The following CSMD1 variants were observed in gnomAD, a reference collection of about 807,000 sequenced individuals.
CSMD1 encodes CUB and Sushi multiple domains 1, also known as CUB and sushi domain-containing protein 1.
A neutral mutation model predicts 417.5 loss-of-function variants in CSMD1; 213 were observed. The observed-to-expected ratio is 0.51, with a 90% CI of 0.46 to 0.57. The LOEUF is 0.57. Ranked by LOEUF, CSMD1 falls within the 20% of genes least tolerant of loss-of-function variation. CSMD1 has a pLI of 0.00. For missense variants in CSMD1, 6,923 were observed against 4,529.7 expected, an observed-to-expected ratio of 1.53 and a Z score of -15.17; for synonymous variants, 2,862 against 1,736.8, an observed-to-expected ratio of 1.65 and a Z score of -16.11.
intron 5 of CSMD1, among the ~76,000 whole-genome samples, chr8:3,868,732 C>G (rs1323757954): frequency 6.6e-6 from 1 of 152,194 alleles, no homozygotes; most frequent in South Asian, 2.1e-4. Flanking sequence ...TCCTGACCCT[C>G]TGCTCTCTCA....
intron 12 of CSMD1, among the ~76,000 whole-genome samples, chr8:3,461,629 G>A (rs1406242881): frequency 6.6e-6 from 1 of 152,208 alleles, no homozygotes. Context: ...AGCTATCCCT[G>A]TGGCCCAGCA....
chr8:4,318,846 C>T (rs1336058228), intron 3 of CSMD1, among the ~76,000 whole-genome samples: 1 of 152,118 alleles, frequency 6.6e-6, no homozygotes, highest in South Asian at 2.1e-4. Flanking sequence ...AATCATAAAG[C>T]ATCTTACAAG....
intron 3 of CSMD1, among the ~76,000 whole-genome samples, chr8:4,044,338 T>C (rs1173620221): frequency 6.6e-6 from 1 of 152,126 alleles, no homozygotes; most frequent in Non-Finnish European, 1.5e-5. Context: ...AATAACACAA[T>C]GCAATTCTGT....
intron 3 of CSMD1, among the ~76,000 whole-genome samples, chr8:4,048,334 A>G (rs1446964391): frequency 1.3e-5 from 2 of 152,182 alleles, no homozygotes; most frequent in Non-Finnish European, 1.5e-5. Context: ...TCATTTATTC[A>G]ATAACTTATT....
chr8:3,552,910 T>A (rs1234329519), intron 10 of CSMD1, among the ~76,000 whole-genome samples: 1 of 152,158 alleles, frequency 6.6e-6, no homozygotes, highest in African/African-American at 2.4e-5. Context: ...TGATAATTAA[T>A]GGAGATCGGA....
chr8:4,091,960 C>T (rs993384141), intron 3 of CSMD1, among the ~76,000 whole-genome samples: 1 of 152,260 alleles, frequency 6.6e-6, no homozygotes, highest in East Asian at 1.9e-4. Flanking sequence ...AAGGGACTCA[C>T]GTAACTCTGC....
At position 4,434,183 on chromosome 8, in the gene CSMD1, C is replaced by G. The variant is rs149980831; in HGVS notation, c.303-14118G>C. 5.9e-3 allele frequency among the ~76,000 whole-genome samples: 897 copies of G among 152,200 alleles called. 10 individuals are homozygous for G. The highest frequency in any genetic ancestry group is 0.021 in the African/African-American group (862 of 41,526). On this transcript the variant is annotated intron_variant, in intron 2 of 69. Transcript: ENST00000635120. The stretch of plus-strand genomic sequence containing the variant: ...TGAAAACCAGTCTCTACTAAAAATA[C>G]AGAAATTATCCAGGCATGGTAATGA...
rs1027263073 is a variant in CSMD1, at chr8:3,875,421, T to G, written c.819-121379A>C. ...TCTATGAAGTTATGGATTGGAGGAG[T>G]TCCTGCAGGAGGGAGTGAGATGATG... On this transcript the variant is annotated intron_variant, in intron 5 of 69. Coordinates refer to ENST00000635120, the MANE Select transcript of CSMD1 (RefSeq NM_033225.6). Among the ~76,000 whole-genome samples the G allele has an allele frequency of 2.0e-5, 3 of 152,048 alleles. No homozygotes were observed. The East Asian group carries it at 5.8e-4, about 30-fold the overall frequency.
chr8:3,940,497 C>CTGTGTGTGTGTG lies in CSMD1; in HGVS notation c.818+57394_818+57405dup, dbSNP rs34005059. ...TTCAGTAAAATTTAAATTATTTCCT[C>CTGTGTGTGTGTG]TGTGTGTGTGTGTGTGTGTGTGTGT... On this transcript the variant is annotated intron_variant, in intron 5 of 69. Transcript: ENST00000635120. 7.0e-4 allele frequency among the ~76,000 whole-genome samples: 102 copies of CTGTGTGTGTGTG among 145,046 alleles called. 1 individual carries two copies. Among genetic ancestry groups the CTGTGTGTGTGTG allele is most frequent in the Non-Finnish European group, 1.2e-3 (80 of 66,126 alleles).
intron 1 of CSMD1, among the ~76,000 whole-genome samples, chr8:4,900,738 T>G (rs939698307): frequency 4.6e-5 from 7 of 152,128 alleles, no homozygotes; most frequent in Non-Finnish European, 1.0e-4. Context: ...GGAGTTAACT[T>G]ATCCTTTCAT....
At chr8:4,890,167 A>G (rs760094687) in intron 1 of CSMD1, among the ~76,000 whole-genome samples, 24 of 152,154 alleles carry the variant, frequency 1.6e-4, no homozygotes, top group Non-Finnish European at 2.5e-4. Flanking sequence ...TTTTAAAGAA[A>G]TAATTTCTAG....
intron 4 of CSMD1, among the ~76,000 whole-genome samples, chr8:3,999,552 T>A (rs1468615786): frequency 1.3e-5 from 2 of 152,170 alleles, no homozygotes; most frequent in African/African-American, 4.8e-5. Context: ...TCAAATTAGC[T>A]GCCTTCAGTT....
chr8:4,778,187 T>G (rs1267568442), intron 1 of CSMD1, among the ~76,000 whole-genome samples: 1 of 152,218 alleles, frequency 6.6e-6, no homozygotes, highest in Non-Finnish European at 1.5e-5. Flanking sequence ...AATTTTCCAT[T>G]CATTAAAATT....
intron 3 of CSMD1, among the ~76,000 whole-genome samples, chr8:4,396,470 A>T (rs190445215): frequency 3.7e-4 from 56 of 152,164 alleles, no homozygotes; most frequent in Admixed American, 2.9e-3. Flanking sequence ...AGCCAGTCTC[A>T]CTCTGCAATG....
intron 26 of CSMD1, among the ~76,000 whole-genome samples, chr8:3,266,901 T>C (rs1384373060): frequency 6.6e-6 from 1 of 151,336 alleles, no homozygotes; most frequent in Non-Finnish European, 1.5e-5. Flanking sequence ...ACCAGCTGGG[T>C]TGTGGAATAA....
At chr8:3,506,930 T>G (rs1292836853) in intron 10 of CSMD1, among the ~76,000 whole-genome samples, 2 of 152,210 alleles carry the variant, frequency 1.3e-5, no homozygotes, top group East Asian at 3.8e-4. Flanking sequence ...ACTTAATAAA[T>G]GTGTTGATGT....
intron 10 of CSMD1, among the ~76,000 whole-genome samples, chr8:3,503,842 CAA>C (rs1437450649): frequency 0.048 from 7,245 of 149,932 alleles, 257 homozygotes; most frequent in African/African-American, 0.079. Flanking sequence ...TGCCCCCCCC[CAA>C]CCCCCACACT....
intron 1 of CSMD1, among the ~76,000 whole-genome samples, chr8:4,832,075 C>A (rs944677201): frequency 3.3e-5 from 5 of 152,214 alleles, no homozygotes; most frequent in Non-Finnish European, 7.3e-5. Flanking sequence ...ACCAAAGCTT[C>A]TATCTACCCT....
intron 5 of CSMD1, among the ~76,000 whole-genome samples, chr8:3,856,537 C>G (rs1197589075): frequency 6.6e-6 from 1 of 152,132 alleles, no homozygotes; most frequent in Non-Finnish European, 1.5e-5. Context: ...ATAAATGCAA[C>G]GACTGTCCAC....
Sources: gnomAD v4.1 joint callset for allele counts (sites outside exome capture counted in the v4.1 genomes callset) on GRCh38, gnomAD v4.1.1 for gene constraint, MANE v1.5 for transcripts, NCBI Gene and HGNC (gene_info 2026-07-23, HGNC 2026-07-21) for gene names.